The following CPNE8 variants were observed in gnomAD, a reference collection of about 807,000 sequenced individuals.
The protein encoded by CPNE8 is copine-8.
Under a neutral mutation model 81.5 loss-of-function variants are expected in CPNE8, and 45 were observed. The observed-to-expected ratio is 0.55, with a 90% CI of 0.44 to 0.71. The LOEUF (loss-of-function observed/expected upper bound fraction) is 0.71. CPNE8 is among the 30% of genes least tolerant of loss of function. The probability of loss-of-function intolerance (pLI) is 0.00; values close to 1 mark genes in which losing one functional copy is unlikely to be tolerated. For synonymous variants in CPNE8, 252 were observed against 226.3 expected (o/e 1.11, Z -1.02); for missense variants, 594 against 672.1 (o/e 0.88, Z 1.28).
rs368320101 is a variant in CPNE8 at position 38,810,334 on chromosome 12, C to T, written c.407+19045G>A. On this transcript the variant is annotated intron_variant, in intron 6 of 19. Transcript: ENST00000331366. ...TGAGAGTGTCTAGAGATCACATATT[C>T]AGTCTTTTCAAAGAGCCTTTTGTGC... is the stretch of plus-strand genomic sequence containing the variant. Among the ~76,000 whole-genome samples the T allele has an allele frequency of 2.0e-5, 3 of 152,252 alleles. No individual in the cohort carries two copies. The East Asian group carries it at 5.8e-4, about 29-fold the overall frequency.
rs113453157 is a variant in CPNE8, at chr12:38,689,367, C to G, written c.1144-3750G>C. Among the ~76,000 whole-genome samples the G allele has an allele frequency of 1.7e-3, 263 of 152,290 alleles. 1 individual carries two copies. The highest frequency in any genetic ancestry group is 6.0e-3 in the African/African-American group (251 of 41,556). ...CTGAGGGTGTGGATTCATCTCCATG[C>G]AAGAAGTCTGTCATCTCTGTTGCTG... On this transcript the variant is annotated intron_variant, in intron 15 of 19. Transcript: ENST00000331366.
chr12:38,786,411 G>A (rs1942188571), intron 6 of CPNE8, among the ~76,000 whole-genome samples: 2 of 152,078 alleles, frequency 1.3e-5, no homozygotes, highest in South Asian at 4.1e-4. Flanking sequence ...AATGTAAGTA[G>A]GCAGAAAAAT....
chr12:38,854,729 TA>T (rs1214737432), intron 3 of CPNE8, among the ~76,000 whole-genome samples: 1 of 151,960 alleles, frequency 6.6e-6, no homozygotes, highest in Non-Finnish European at 1.5e-5. Flanking sequence ...AGTTTCCAGA[TA>T]AAAATTCAAA....
intron 7 of CPNE8, among the ~76,000 whole-genome samples, chr12:38,771,034 G>T (rs1017183280): frequency 6.6e-6 from 1 of 151,904 alleles, no homozygotes; most frequent in Non-Finnish European, 1.5e-5. Context: ...GTTTTGTACT[G>T]TTTTTTTCTT....
intron 18 of CPNE8, 64 bp from the exon 19 acceptor site, chr12:38,670,866 A>G: frequency 8.3e-7 from 1 of 1,207,928 alleles, no homozygotes; most frequent in Non-Finnish European, 1.2e-6. Flanking sequence ...CAATGTGGAC[A>G]ACAAGGAAAT....
chr12:38,675,375 C>A (rs1170964769), intron 18 of CPNE8, among the ~76,000 whole-genome samples: 1 of 152,130 alleles, frequency 6.6e-6, no homozygotes, highest in Non-Finnish European at 1.5e-5. Context: ...TGTGTTTTGC[C>A]TTGGGAACAA....
At chr12:38,669,973 TA>T (rs1158490211) in intron 19 of CPNE8, among the ~76,000 whole-genome samples, 1 of 152,108 alleles carries the variant, frequency 6.6e-6, no homozygotes, top group African/African-American at 2.4e-5. Flanking sequence ...TCAGAATCCT[TA>T]AAAACTCGTG....
intron 10 of CPNE8, among the ~76,000 whole-genome samples, chr12:38,758,675 T>G (rs1445647580): frequency 6.6e-6 from 1 of 152,114 alleles, no homozygotes; most frequent in African/African-American, 2.4e-5. Flanking sequence ...ATTGTGAAAA[T>G]TAAATAAGGA....
chr12:38,843,655 G>A (rs1431112341), intron 4 of CPNE8, among the ~76,000 whole-genome samples: 4 of 152,062 alleles, frequency 2.6e-5, no homozygotes, highest in Non-Finnish European at 5.9e-5. Flanking sequence ...CTTTCTGAGT[G>A]ACGAAAAACA....
chr12:38,796,622 G>A (rs1942481723), intron 6 of CPNE8, among the ~76,000 whole-genome samples: 2 of 152,160 alleles, frequency 1.3e-5, no homozygotes, highest in African/African-American at 4.8e-5. Flanking sequence ...GAGTGACGCA[G>A]AAGACGGGGG....
intron 1 of CPNE8, among the ~76,000 whole-genome samples, chr12:38,888,644 G>A (rs1392509083): frequency 6.6e-6 from 1 of 152,158 alleles, no homozygotes; most frequent in Non-Finnish European, 1.5e-5. Flanking sequence ...ATCCTTATCA[G>A]AAGTGAGTAG....
At chr12:38,822,959 T>C (rs1943129419) in intron 6 of CPNE8, among the ~76,000 whole-genome samples, 1 of 152,174 alleles carries the variant, frequency 6.6e-6, no homozygotes, top group South Asian at 2.1e-4. Flanking sequence ...GTTGATTACA[T>C]TTTTACAGGC....
chr12:38,793,735 T>A (rs1003531105), intron 6 of CPNE8, among the ~76,000 whole-genome samples: 1 of 151,908 alleles, frequency 6.6e-6, no homozygotes, highest in African/African-American at 2.4e-5. Flanking sequence ...CTATAATTCA[T>A]ATAGAACCTC....
intron 2 of CPNE8, 148 bp from the exon 3 acceptor site, chr12:38,873,198 G>C: frequency 1.8e-6 from 1 of 562,250 alleles, no homozygotes; most frequent in Non-Finnish European, 3.1e-6. Flanking sequence ...AAAAAGGCTA[G>C]TAAATCATCA....
intron 10 of CPNE8, among the ~76,000 whole-genome samples, chr12:38,753,889 A>G (rs1941403935): frequency 6.6e-6 from 1 of 152,196 alleles, no homozygotes; most frequent in Non-Finnish European, 1.5e-5. Context: ...AGAGCTATAT[A>G]AAGAGTTCCG....
At chr12:38,857,411 G>C (rs1317471996) in intron 3 of CPNE8, among the ~76,000 whole-genome samples, 1 of 152,194 alleles carries the variant, frequency 6.6e-6, no homozygotes, top group Non-Finnish European at 1.5e-5. Flanking sequence ...GAAAGATGGA[G>C]TCGTTTCTCT....
intron 1 of CPNE8, among the ~76,000 whole-genome samples, chr12:38,904,870 TC>T (rs1944544499): frequency 6.6e-6 from 1 of 152,110 alleles, no homozygotes; most frequent in Non-Finnish European, 1.5e-5. Context: ...AGGCATAGAT[TC>T]GTCTGCAAGG....
intron 7 of CPNE8, among the ~76,000 whole-genome samples, chr12:38,769,971 T>C (rs1206215805): frequency 6.6e-6 from 1 of 152,206 alleles, no homozygotes; most frequent in Non-Finnish European, 1.5e-5. Flanking sequence ...ACATTTGTAT[T>C]AAGCACAAAA....
At chr12:38,757,155 A>G (rs568240469) in intron 10 of CPNE8, among the ~76,000 whole-genome samples, 3 of 152,254 alleles carry the variant, frequency 2.0e-5, no homozygotes, top group African/African-American at 7.2e-5. Flanking sequence ...TTTTTTAATA[A>G]GAAGAATTAA....
Sources: gnomAD v4.1 joint callset for allele counts (sites outside exome capture counted in the v4.1 genomes callset) on GRCh38, gnomAD v4.1.1 for gene constraint, MANE v1.5 for transcripts, NCBI Gene and HGNC (gene_info 2026-07-23, HGNC 2026-07-21) for gene names.